Variants in UBE2L5 observed in about 807,000 individuals in gnomAD.
UBE2L5 encodes ubiquitin-conjugating enzyme E2 L5.
Under a neutral mutation model 10.0 loss-of-function variants are expected in UBE2L5, and 3 were observed. The observed-to-expected ratio is 0.30, with a 90% confidence interval of 0.14 to 0.78. UBE2L5 has a LOEUF of 0.78. UBE2L5 is among the 30% of genes least tolerant of loss of function. UBE2L5 has a pLI of 0.65. For missense variants in UBE2L5, 131 were observed against 193.3 expected, an observed-to-expected ratio of 0.68 and a Z score of 1.91; for synonymous variants, 60 against 71.9, an observed-to-expected ratio of 0.83 and a Z score of 0.83.
chr13:30,429,334 T>C lies in UBE2L5; in HGVS notation c.*879T>C, dbSNP rs190251269. Among the ~76,000 whole-genome samples the C allele has an allele frequency of 5.9e-4, 90 of 151,746 alleles. 2 individuals are homozygous for C. The East Asian group carries it at 0.016, about 27-fold the overall frequency. On this transcript the variant is annotated 3_prime_UTR_variant, in exon 4 of 4. Transcript: ENST00000635918. ...GAAATACCTGGAATTCACACCATAA[T>C]TGGGGTGTCTTTAGGCTGAAATGGA...
rs1207130332 is a variant in UBE2L5, at chr13:30,428,265, C to G, written c.275C>G (p.Ala92Gly). ...CAGGTCTGTCTGCCAGTAATTAGTG[C>G]TGAAAACTGGAAGCCAGCAACCAAA... Reference protein sequence around the residue: ...KGQVCLPVISAENWKPATKTD... With the variant: ...KGQVCLPVISGENWKPATKTD... Residue 92 changes from alanine to glycine, a missense_variant, in exon 4 of 4, where the codon GCT (alanine) becomes GGT (glycine). By Grantham distance (60) the Ala-to-Gly change is moderately conservative (BLOSUM62 0). Coordinates refer to ENST00000635918, the MANE Select transcript of UBE2L5 (RefSeq NM_001355247.2). 4.4e-6 allele frequency: 7 copies of G among 1,607,492 alleles called. No individual in the cohort carries two copies. Among genetic ancestry groups the G allele is most frequent in the African/African-American group, 1.3e-5 (1 of 74,524 alleles).
chr13:30,427,262 C>T (rs956014187), intron 3 of UBE2L5, 99 bp from the exon 4 acceptor site: 17 of 152,134 alleles, frequency 1.1e-4, no homozygotes, highest in African/African-American at 4.1e-4. Flanking sequence ...TATCCCTTTG[C>T]ATGAGTGTAT....
rs936262141 is a variant in UBE2L5, at chr13:30,428,342, G to A, written c.352G>A (p.Glu118Lys). The change falls in exon 4 of 4, where the codon GAG (glutamate) becomes AAG (lysine). Residue 118 changes from glutamate (E) to lysine (K), a missense_variant. Glu to Lys is a moderately conservative substitution (Grantham distance 56, BLOSUM62 1). Coordinates refer to ENST00000635918, the MANE Select transcript of UBE2L5 (RefSeq NM_001355247.2). ...LIALVNDPQP[E>K]HPLRADLAEE... Reference sequence around the variant, plus strand: ...AGCACTGGTGAATGACCCGCAGCCCGAGCACCCGCTTCGGGCTGACCTAGC... The same window carrying A: ...AGCACTGGTGAATGACCCGCAGCCCAAGCACCCGCTTCGGGCTGACCTAGC... 1.6e-5 allele frequency: 25 copies of A among 1,611,048 alleles called. No homozygotes were observed. In the East Asian group the frequency reaches 3.3e-4, roughly 22 times the overall value.
chr13:30,427,453 G>A lies in UBE2L5; in HGVS notation c.-538G>A, dbSNP rs1243773538. The stretch of plus-strand genomic sequence containing the variant: ...CTGTGAAATGCAAGATGAGCAATCT[G>A]ATCTGGACATACCAGCCTTCAGTCA... On this transcript the variant is annotated 5_prime_UTR_variant, in exon 4 of 4. Transcript: ENST00000635918. 6.5e-6 allele frequency: 1 copy of A among 152,962 alleles called. No homozygotes were observed. The highest frequency in any genetic ancestry group is 2.4e-5 in the African/African-American group (1 of 41,468). The allele number at this position is 152,962 out of a possible 1,614,324, so 9.5% of individuals were successfully genotyped here.
Position 30,428,183 on chromosome 13 carries a change from C to T in UBE2L5, c.193C>T (p.Pro65Ser). 1 of 1,607,150 alleles carries T rather than the reference C, an allele frequency of 6.2e-7. No individual in the cohort carries two copies. Among genetic ancestry groups the T allele is most frequent in the South Asian group, 1.1e-5 (1 of 90,932 alleles). Residue 65 changes from proline to serine, a missense_variant, in exon 4 of 4, where the codon CCA becomes TCA. Pro to Ser is a moderately conservative substitution (Grantham distance 74). Transcript: ENST00000635918. ...INFPAEYPFKPPRITFKTKIY... is the reference protein window; with the variant it reads ...INFPAEYPFKSPRITFKTKIY... ...CTTTCCAGCAGAGTACCCATTCAAA[C>T]CACCGAGGATCACATTTAAAACAAA...
intron 1 of UBE2L5, among the ~76,000 whole-genome samples, chr13:30,423,595 C>CA (rs555220317): frequency 9.9e-5 from 15 of 152,052 alleles, no homozygotes; most frequent in African/African-American, 3.4e-4. Flanking sequence ...GACCTTGTCT[C>CA]AAAAAAATAA....
rs1446782246 is a variant in UBE2L5 at position 30,428,091 on chromosome 13, C to T, written c.101C>T (p.Thr34Ile). The T allele has an allele frequency of 3.1e-6, 5 of 1,610,786 alleles. No homozygotes were observed. The highest frequency in any genetic ancestry group is 4.2e-6 in the Non-Finnish European group (5 of 1,177,080). The change falls in exon 4 of 4, where the codon ACT becomes ATT. Residue 34 changes from threonine (T) to isoleucine (I), a missense_variant. Physicochemically the swap from Thr to Ile is moderately conservative, Grantham distance 89 (BLOSUM62 -1). Transcript: ENST00000635918. ...CAGGTTGATGAAGCTAATTTATTGA[C>T]TTGGCAAGGGCTTATTGTTCCTGAC... Reference protein sequence around the residue: ...NIQVDEANLLTWQGLIVPDNP... With the variant: ...NIQVDEANLLIWQGLIVPDNP...
Position 30,427,556 on chromosome 13 carries a change from T to A in UBE2L5, c.-435T>A. ...GGCTCACGTCTATAATCTGAGCACTTTGGGAGACTAACGCGGGCGGATCAC... is the reference window on the plus strand; with the variant it reads ...GGCTCACGTCTATAATCTGAGCACTATGGGAGACTAACGCGGGCGGATCAC... On this transcript the variant is annotated 5_prime_UTR_variant, in exon 4 of 4. It adds an upstream start codon to the 5' untranslated region. Transcript: ENST00000635918. 1 of 174,470 alleles carries A rather than the reference T, an allele frequency of 5.7e-6. No individual in the cohort carries two copies. Among genetic ancestry groups the A allele is most frequent in the Non-Finnish European group, 1.2e-5 (1 of 82,084 alleles). The allele number at this position is 174,470 out of a possible 1,614,324, so 10.8% of individuals were successfully genotyped here.
At chr13:30,426,358 C>A (rs114234277) in intron 2 of UBE2L5, among the ~76,000 whole-genome samples, 1 of 151,994 alleles carries the variant, frequency 6.6e-6, no homozygotes, top group Non-Finnish European at 1.5e-5. Flanking sequence ...GGGGCTTACA[C>A]AAAAGTGAGG....
intron 2 of UBE2L5, among the ~76,000 whole-genome samples, chr13:30,425,702 A>C (rs575346251): frequency 1.7e-4 from 26 of 152,306 alleles, no homozygotes; most frequent in Admixed American, 3.9e-4. Context: ...TGTCTTCCGA[A>C]ACTTCAGCTT....
Position 30,428,533 on chromosome 13 carries a change from C to G in UBE2L5, c.*78C>G, listed in dbSNP as rs1465548115. The G allele has an allele frequency of 3.3e-6, 5 of 1,513,100 alleles. No individual in the cohort carries two copies. The highest frequency in any genetic ancestry group is 1.3e-5 in the South Asian group (1 of 79,042). The allele number at this position is 1,513,100 out of a possible 1,614,324, so 93.7% of individuals were successfully genotyped here. On this transcript the variant is annotated 3_prime_UTR_variant, in exon 4 of 4. Transcript: ENST00000635918. Reference sequence around the variant, plus strand: ...TTCAGACACCCCGCAAAGCAGGACTCTGTGGAAATTGATACGTGCCACCGT... The same window carrying G: ...TTCAGACACCCCGCAAAGCAGGACTGTGTGGAAATTGATACGTGCCACCGT...
chr13:30,428,137 G>A lies in UBE2L5; in HGVS notation c.147G>A (p.Gly49=). 2.5e-6 allele frequency: 4 copies of A among 1,607,738 alleles called. No homozygotes were observed. The South Asian group carries it at 3.3e-5, about 13-fold the overall frequency. The change falls in exon 4 of 4, where the codon GGG becomes GGA. Residue 49 remains glycine, a synonymous_variant. Transcript: ENST00000635918. ...IVPDNPPYNK[G]AFRIEINFPA... ...CTGACAACCCTCCGTATAATAAGGG[G>A]GCCTTCAGAATCGAAATCAACTTTC...
intron 1 of UBE2L5, among the ~76,000 whole-genome samples, 200 bp downstream of exon 1, chr13:30,422,877 C>G (rs972727604): frequency 2.6e-5 from 4 of 152,150 alleles, no homozygotes; most frequent in Admixed American, 1.3e-4. Context: ...ACCTTTTTAA[C>G]TCTGTCAAAA....
intron 2 of UBE2L5, among the ~76,000 whole-genome samples, chr13:30,426,381 G>A (rs1885539906): frequency 2.0e-5 from 3 of 152,170 alleles, no homozygotes; most frequent in Admixed American, 1.3e-4. Context: ...TCAGGAGGGG[G>A]AATGTATGGA....
At chr13:30,422,804 C>T (rs1885483029) in intron 1 of UBE2L5, 127 bp downstream of exon 1, 1 of 152,116 alleles carries the variant, frequency 6.6e-6, no homozygotes. Flanking sequence ...TTAGCATTGC[C>T]TCGCTTGGTG....
In UBE2L5 at chr13:30,427,847, C is replaced by G; in HGVS notation, c.-144C>G. 1 of 697,090 alleles carries G rather than the reference C, an allele frequency of 1.4e-6. No individual in the cohort carries two copies. Among genetic ancestry groups the G allele is most frequent in the Non-Finnish European group, 2.6e-6 (1 of 380,990 alleles). The allele number at this position is 697,090 out of a possible 1,614,324, so 43.2% of individuals were successfully genotyped here. A position where few individuals can be genotyped will look rare whatever the true frequency, so the allele number is the denominator to read the frequency against. ...ATGTATAGGATTGTGGATGATCACT[C>G]TAACCAACCAGTGGGCAAGTTGCTT... On this transcript the variant is annotated 5_prime_UTR_variant, in exon 4 of 4. Transcript: ENST00000635918.
intron 2 of UBE2L5, among the ~76,000 whole-genome samples, chr13:30,425,931 T>A (rs530065171): frequency 6.6e-6 from 1 of 151,998 alleles, no homozygotes; most frequent in Admixed American, 6.5e-5. Context: ...GGAGAATCGC[T>A]TGAACCTGGG....
chr13:30,423,065 TCTAAA>T (rs1186774447), intron 1 of UBE2L5, among the ~76,000 whole-genome samples: 1 of 152,248 alleles, frequency 6.6e-6, no homozygotes, highest in Non-Finnish European at 1.5e-5. Flanking sequence ...AGTTTGTTGT[TCTAAA>T]CTTACTGCTT....
intron 2 of UBE2L5, among the ~76,000 whole-genome samples, chr13:30,425,261 A>AT (rs1207956495): frequency 6.6e-6 from 1 of 152,212 alleles, no homozygotes; most frequent in Non-Finnish European, 1.5e-5. Context: ...GCCCTGGTTG[A>AT]TTCCCTGGCT....
Sources: gnomAD v4.1 joint callset for allele counts (sites outside exome capture counted in the v4.1 genomes callset) on GRCh38, gnomAD v4.1.1 for gene constraint, MANE v1.5 for transcripts, NCBI Gene and HGNC (gene_info 2026-07-23, HGNC 2026-07-21) for gene names.